TMTC1: variants seen among roughly 807,000 people sequenced by gnomAD.
The protein encoded by TMTC1 is transmembrane O-mannosyltransferase targeting cadherins 1, also known as protein O-mannosyl-transferase TMTC1.
In TMTC1, 73 loss-of-function variants were observed where a neutral mutation model predicts 104.8. The ratio of observed to expected loss-of-function variants is 0.70; its 90% CI spans 0.58 to 0.85. The LOEUF (loss-of-function observed/expected upper bound fraction) is 0.85. Ranked by LOEUF, TMTC1 falls within the 40% of genes least tolerant of loss-of-function variation. The probability of loss-of-function intolerance (pLI) is 0.00; values close to 1 mark genes in which losing one functional copy is unlikely to be tolerated. For synonymous variants in TMTC1, 434 were observed against 428.7 expected (o/e 1.01, Z -0.15); for missense variants, 1,035 against 1,096.1 (o/e 0.94, Z 0.79).
At chr12:29,682,663 T>C (rs542004738) in intron 5 of TMTC1, among the ~76,000 whole-genome samples, 1 of 152,330 alleles carries the variant, frequency 6.6e-6, no homozygotes, top group African/African-American at 2.4e-5. Context: ...CCACATAATG[T>C]ATGATTCCAT....
chr12:29,756,077 C>T (rs1943208872), intron 3 of TMTC1, among the ~76,000 whole-genome samples, 192 bp from the exon 4 acceptor site: 1 of 152,210 alleles, frequency 6.6e-6, no homozygotes, highest in African/African-American at 2.4e-5. Flanking sequence ...TATACACAGA[C>T]TACGGTATGT....
At chr12:29,599,121 A>G (rs1275736144) in intron 7 of TMTC1, among the ~76,000 whole-genome samples, 1 of 152,220 alleles carries the variant, frequency 6.6e-6, no homozygotes, top group African/African-American at 2.4e-5. Context: ...ACATTATTTG[A>G]GAGCTACCAT....
chr12:29,513,337 T>C (rs539806817), intron 16 of TMTC1, among the ~76,000 whole-genome samples: 228 of 147,742 alleles, frequency 1.5e-3, no homozygotes, highest in South Asian at 0.011. Flanking sequence ...TATATATATA[T>C]ACACACACAC....
At chr12:29,750,382 C>A (rs1293223839) in intron 5 of TMTC1, among the ~76,000 whole-genome samples, 1 of 152,172 alleles carries the variant, frequency 6.6e-6, no homozygotes, top group African/African-American at 2.4e-5. Flanking sequence ...TGAGCACTCA[C>A]ATTGTTCAGT....
intron 1 of TMTC1, among the ~76,000 whole-genome samples, chr12:29,775,634 G>T (rs917361647): frequency 1.3e-5 from 2 of 152,146 alleles, no homozygotes; most frequent in African/African-American, 4.8e-5. Context: ...TTACCTACCA[G>T]GGAAGTTCAA....
At chr12:29,554,324 C>T (rs1395954565) in intron 10 of TMTC1, among the ~76,000 whole-genome samples, 1 of 151,750 alleles carries the variant, frequency 6.6e-6, no homozygotes, top group African/African-American at 2.4e-5. Context: ...CACAGTTGTA[C>T]ACTTGTCTTC....
At chr12:29,543,046 G>C (rs1412558096) in intron 10 of TMTC1, among the ~76,000 whole-genome samples, 1 of 152,128 alleles carries the variant, frequency 6.6e-6, no homozygotes, top group Admixed American at 6.5e-5. Flanking sequence ...AAATTCCCGA[G>C]AATGTGTTCC....
chr12:29,617,550 G>GAC (rs1158166451), intron 6 of TMTC1, among the ~76,000 whole-genome samples: 2 of 151,662 alleles, frequency 1.3e-5, no homozygotes, highest in East Asian at 3.9e-4. Flanking sequence ...GAGAGAGAGA[G>GAC]AGAGAGAGAG....
chr12:29,693,141 A>G (rs1311387022), intron 5 of TMTC1, among the ~76,000 whole-genome samples: 1 of 145,164 alleles, frequency 6.9e-6, no homozygotes, highest in Non-Finnish European at 1.5e-5. Flanking sequence ...AATTATAAAT[A>G]TTTATGAGGT....
In TMTC1 at chr12:29,712,852, C is replaced by G. The variant is rs1591962715; in HGVS notation, c.938+38814G>C. 2.0e-5 allele frequency among the ~76,000 whole-genome samples: 3 copies of G among 152,300 alleles called. No individual in the cohort carries two copies. In the South Asian group the frequency reaches 6.2e-4, roughly 32 times the overall value. On this transcript the variant is annotated intron_variant, in intron 5 of 17. Transcript: ENST00000539277. ...AAGCTTATTGGTGATGTCGAATCTACTGGTCTACCTTCAACTTGAATGAAT... is the reference window on the plus strand; with the variant it reads ...AAGCTTATTGGTGATGTCGAATCTAGTGGTCTACCTTCAACTTGAATGAAT...
At chr12:29,663,796 C>T (rs531950222) in intron 5 of TMTC1, among the ~76,000 whole-genome samples, 13 of 151,648 alleles carry the variant, frequency 8.6e-5, no homozygotes, top group Admixed American at 1.3e-4. Context: ...GGATTACAGG[C>T]GTGAGCCACC....
At position 29,670,934 on chromosome 12, in the gene TMTC1, C is replaced by CAAAAAAA. The variant is rs374719241; in HGVS notation, c.939-37605_939-37599dup. 7.3e-5 allele frequency among the ~76,000 whole-genome samples: 5 copies of CAAAAAAA among 68,550 alleles called. 1 individual carries two copies. The highest frequency in any genetic ancestry group is 1.2e-4 in the Non-Finnish European group (4 of 33,724). The allele number at this position is 68,550 out of a possible 152,430, so 45.0% of individuals were successfully genotyped here. On this transcript the variant is annotated intron_variant, in intron 5 of 17. Coordinates refer to ENST00000539277, the MANE Select transcript of TMTC1 (RefSeq NM_001193451.2). ...TGGGCCACAGCACGAGACTCTGTCTCAAAAAAAAAGAAAAAAAAGGATAGG... is the reference window on the plus strand; with the variant it reads ...TGGGCCACAGCACGAGACTCTGTCTCAAAAAAAAAAAAAAAAGAAAAAAAAGGATAGG...
intron 5 of TMTC1, among the ~76,000 whole-genome samples, chr12:29,689,634 G>A (rs185476398): frequency 6.6e-6 from 1 of 152,250 alleles, no homozygotes; most frequent in Non-Finnish European, 1.5e-5. Flanking sequence ...GAAGGCGGAG[G>A]CACAAAGATT....
chr12:29,545,714 C>A (rs551882219), intron 10 of TMTC1, among the ~76,000 whole-genome samples: 1 of 150,502 alleles, frequency 6.6e-6, no homozygotes, highest in Non-Finnish European at 1.5e-5. Context: ...TAAATTTCCC[C>A]GAGCTGTTCA....
In TMTC1 at chr12:29,686,566, T is replaced by C. The variant is rs149128922; in HGVS notation, c.939-53230A>G. 4.1e-3 allele frequency among the ~76,000 whole-genome samples: 622 copies of C among 152,302 alleles called. 5 individuals carry two copies. The highest frequency in any genetic ancestry group is 9.3e-3 in the South Asian group (45 of 4,828). On this transcript the variant is annotated intron_variant, in intron 5 of 17. Transcript: ENST00000539277. The stretch of plus-strand genomic sequence containing the variant: ...ATGCTGGGAAGAGATGCATCCAGCC[T>C]GGCTCCCTGAGCCAGTAGGAATCCA...
chr12:29,597,277 A>G (rs1592292656), intron 7 of TMTC1, among the ~76,000 whole-genome samples: 1 of 119,960 alleles, frequency 8.3e-6, no homozygotes, highest in Admixed American at 1.0e-4. Context: ...GTATCACTAT[A>G]TTGCTCAGGC....
At chr12:29,568,864 G>T (rs544914866) in intron 9 of TMTC1, 27 of 455,402 alleles carry the variant, frequency 5.9e-5, no homozygotes, top group Admixed American at 3.3e-4. Flanking sequence ...CATCACACAA[G>T]GTAGAATGTT....
At chr12:29,600,012 T>TTTTG (rs1946521306) in intron 7 of TMTC1, among the ~76,000 whole-genome samples, 3 of 118,594 alleles carry the variant, frequency 2.5e-5, no homozygotes, top group Non-Finnish European at 5.1e-5. Flanking sequence ...ATATATATTT[T>TTTTG]TTTTTTTTTT....
At chr12:29,634,402 C>T (rs1248275255) in intron 5 of TMTC1, among the ~76,000 whole-genome samples, 4 of 152,132 alleles carry the variant, frequency 2.6e-5, no homozygotes, top group East Asian at 1.9e-4. Flanking sequence ...TGGGCACAGT[C>T]GGCCTAATTG....
Sources: gnomAD v4.1 joint callset for allele counts (sites outside exome capture counted in the v4.1 genomes callset) on GRCh38, gnomAD v4.1.1 for gene constraint, MANE v1.5 for transcripts, NCBI Gene and HGNC (gene_info 2026-07-23, HGNC 2026-07-21) for gene names.